The following FANCA variants were observed in gnomAD, a reference collection of about 807,000 sequenced individuals.
The protein encoded by FANCA is Fanconi anemia group A protein.
Under a neutral mutation model 194.3 loss-of-function variants are expected in FANCA, and 236 were observed. The ratio of observed to expected loss-of-function variants is 1.21; its 90% CI spans 1.09 to 1.35. FANCA has a LOEUF of 1.35. FANCA is among the 40% of genes most tolerant of loss of function. The pLI is 0.00. For missense variants in FANCA, 2,628 were observed against 1,813.9 expected (o/e 1.45, Z -8.15); for synonymous variants, 1,014 against 715.8 (o/e 1.42, Z -6.65).
At chr16:89,803,372 G>A (rs2040524916) in intron 7 of FANCA, 31 bp from the exon 8 acceptor site, 1 of 1,585,082 alleles carries the variant, frequency 6.3e-7, no homozygotes, top group Non-Finnish European at 8.7e-7. Context: ...AGTTATTTAT[G>A]GACATCATGG....
At chr16:89,781,080 G>C (rs1219640774) in intron 17 of FANCA, among the ~76,000 whole-genome samples, 1 of 151,890 alleles carries the variant, frequency 6.6e-6, no homozygotes, top group African/African-American at 2.4e-5. Context: ...GTAAAGAATG[G>C]AGGGCCAGGC....
At chr16:89,753,985 C>T (rs1271117484) in intron 30 of FANCA, among the ~76,000 whole-genome samples, 1 of 152,186 alleles carries the variant, frequency 6.6e-6, no homozygotes, top group Non-Finnish European at 1.5e-5. Flanking sequence ...ACCTGGAAGG[C>T]GGAGGTTGCA....
At chr16:89,761,553 CATTAA>C (rs1470848876) in intron 29 of FANCA, among the ~76,000 whole-genome samples, 2 of 148,098 alleles carry the variant, frequency 1.4e-5, no homozygotes, top group African/African-American at 2.5e-5. Flanking sequence ...GTAAACCAAA[CATTAA>C]ATTGAGGATA....
chr16:89,757,684 G>C (rs1182015602), intron 30 of FANCA, among the ~76,000 whole-genome samples: 1 of 152,138 alleles, frequency 6.6e-6, no homozygotes, highest in Non-Finnish European at 1.5e-5. Context: ...TGGGGACAAA[G>C]CCTGGACAGC....
Position 89,771,804 on chromosome 16 carries a change from T to C in FANCA, c.2025A>G (p.Ala675=), listed in dbSNP as rs1567619925. The change falls in exon 23 of 43, where the codon GCA becomes GCG. Residue 675 remains alanine, a synonymous_variant. Transcript: ENST00000389301. The part of the protein sequence containing the change: ...TDPSQRDVIS[A]QVAVISERLR... ...GTCTTTCAGAAATCACTGCCACCTGTGCCGATATAACTGCGAAGGAAGAAA... is the reference window on the plus strand; with the variant it reads ...GTCTTTCAGAAATCACTGCCACCTGCGCCGATATAACTGCGAAGGAAGAAA... 6.2e-7 allele frequency: 1 copy of C among 1,613,946 alleles called. No homozygotes were observed. Among genetic ancestry groups the C allele is most frequent in the Non-Finnish European group, 8.5e-7 (1 of 1,180,040 alleles).
At position 89,764,920 on chromosome 16, in the gene FANCA, G is replaced by C. The variant is rs755154360; in HGVS notation, c.2748C>G (p.Phe916Leu). ...AALSLWTHRT[F>L]REVLKEEDVH... is the part of the protein sequence containing the mutation. Reference sequence around the variant, plus strand: ...CATCTTCCTCTTTCAACACCTCTCGGAAGGTTCTGTGTGTCCAGAGAGAGA... The same window carrying C: ...CATCTTCCTCTTTCAACACCTCTCGCAAGGTTCTGTGTGTCCAGAGAGAGA... The change falls in exon 28 of 43, where the codon TTC becomes TTG. Residue 916 changes from phenylalanine (F) to leucine (L), a missense_variant. Phe to Leu is a conservative substitution (Grantham distance 22). Coordinates refer to ENST00000389301, the MANE Select transcript of FANCA (RefSeq NM_000135.4). The C allele has an allele frequency of 6.2e-7, 1 of 1,614,192 alleles. No individual in the cohort carries two copies. Among genetic ancestry groups the C allele is most frequent in the Non-Finnish European group, 8.5e-7 (1 of 1,180,028 alleles).
At chr16:89,808,094 C>T (rs2040731697) in intron 6 of FANCA, among the ~76,000 whole-genome samples, 200 bp downstream of exon 6, 1 of 132,740 alleles carries the variant, frequency 7.5e-6, no homozygotes, top group South Asian at 2.6e-4. Context: ...AAAACCAAAA[C>T]ACCATAAACG....
At chr16:89,753,403 C>G (rs964888381) in intron 30 of FANCA, among the ~76,000 whole-genome samples, 2 of 152,222 alleles carry the variant, frequency 1.3e-5, no homozygotes, top group Non-Finnish European at 2.9e-5. Context: ...TTTCTACACT[C>G]TCTCATCGCC....
intron 21 of FANCA, among the ~76,000 whole-genome samples, chr16:89,775,050 C>T (rs1484207183): frequency 1.3e-5 from 2 of 151,722 alleles, no homozygotes; most frequent in Non-Finnish European, 2.9e-5. Context: ...GCCAAAATCG[C>T]GCCACTGCAG....
chr16:89,806,871 T>A (rs1351625034), intron 6 of FANCA, among the ~76,000 whole-genome samples: 1 of 152,054 alleles, frequency 6.6e-6, no homozygotes, highest in Non-Finnish European at 1.5e-5. Context: ...TGGGTACACC[T>A]CCCAGACGGG....
chr16:89,809,485 G>A (rs2040793580), intron 5 of FANCA, among the ~76,000 whole-genome samples: 1 of 151,936 alleles, frequency 6.6e-6, no homozygotes, highest in African/African-American at 2.4e-5. Flanking sequence ...AGGCCAAGAT[G>A]GGCAGATCAC....
rs192932045 is a variant in FANCA, at chr16:89,777,095, A to G, written c.1827-1280T>C. ...TGTGGTGGAGCGCGCCTCTAGACCC[A>G]GCTACTTGGGAGGCAGAGGGGGAAG... On this transcript the variant is annotated intron_variant, in intron 20 of 42. Transcript: ENST00000389301. Among the ~76,000 whole-genome samples, 167 of 151,874 alleles carry G rather than the reference A, an allele frequency of 1.1e-3. 2 individuals carry two copies. The highest frequency in any genetic ancestry group is 6.8e-3 in the Middle Eastern group (2 of 294).
At chr16:89,803,673 G>C (rs2040536187) in intron 7 of FANCA, among the ~76,000 whole-genome samples, 1 of 141,756 alleles carries the variant, frequency 7.1e-6, no homozygotes, top group Non-Finnish European at 1.5e-5. Context: ...GCCTGGGCTT[G>C]AGTGCAATGG....
At chr16:89,802,157 T>C (rs988059778) in intron 8 of FANCA, among the ~76,000 whole-genome samples, 1 of 152,062 alleles carries the variant, frequency 6.6e-6, no homozygotes, top group East Asian at 2.0e-4. Context: ...CAGGCTAGAG[T>C]GCAAGGCGCA....
rs1229105590 is a variant in FANCA at position 89,738,504 on chromosome 16, AT to A, written c.*96del. 42 of 1,571,342 alleles carry A rather than the reference AT, an allele frequency of 2.7e-5. No individual in the cohort carries two copies. The highest frequency in any genetic ancestry group is 5.1e-5 in the Admixed American group (3 of 59,258). ...TTTCCCCACTAAAGCAGTCGAGGAGATTTGTAATCCACTTTTTAGTGCAACA... is the reference window on the plus strand; with the variant it reads ...TTTCCCCACTAAAGCAGTCGAGGAGATTGTAATCCACTTTTTAGTGCAACA... On this transcript the variant is annotated 3_prime_UTR_variant, in exon 43 of 43. Transcript: ENST00000389301.
At position 89,769,651 on chromosome 16, in the gene FANCA, A is replaced by G; in HGVS notation, c.2504+186T>C. The G allele has an allele frequency of 1.0e-5, 7 of 677,626 alleles. 1 individual carries two copies. The South Asian group carries it at 1.2e-4, about 12-fold the overall frequency. 42.0% of individuals were successfully genotyped at this position (677,626 alleles called of 1,614,324 possible). A position where few individuals can be genotyped will look rare whatever the true frequency, so the allele number is the denominator to read the frequency against. ...ATGATCTCATTTTTATGAACAAAGA[A>G]ACAAACGCACGCATATTATAAACAA... is the stretch of plus-strand genomic sequence containing the variant. On this transcript the variant is annotated intron_variant, in intron 26 of 42. Coordinates refer to ENST00000389301, the MANE Select transcript of FANCA (RefSeq NM_000135.4).
Position 89,810,983 on chromosome 16 carries a change from G to T in FANCA, c.372C>A (p.Ile124=), listed in dbSNP as rs765016775. The part of the protein sequence containing the change: ...AGMVASSVGQ[I]CTAPAETSHP... ...GACTGGTCTCCGCTGGAGCCGTGCA[G>T]ATCTGTCCCACGCTAGAGGCAACCA... Residue 124 remains isoleucine (I), a synonymous_variant, in exon 4 of 43, where the codon ATC becomes ATA. Coordinates refer to ENST00000389301, the MANE Select transcript of FANCA (RefSeq NM_000135.4). 9.3e-6 allele frequency: 15 copies of T among 1,613,996 alleles called. No individual in the cohort carries two copies. In the South Asian group the frequency reaches 1.5e-4, roughly 17 times the overall value.
At chr16:89,815,666 T>C (rs550239749) in intron 2 of FANCA, among the ~76,000 whole-genome samples, 1 of 152,100 alleles carries the variant, frequency 6.6e-6, no homozygotes. Context: ...TGTTTTTTTG[T>C]TGTTGTTGTT....
intron 15 of FANCA, among the ~76,000 whole-genome samples, chr16:89,783,805 C>T (rs899219220): frequency 1.3e-5 from 2 of 152,002 alleles, no homozygotes; most frequent in African/African-American, 4.8e-5. Context: ...CTCTTATTGC[C>T]CAGGCTGGAG....
Sources: gnomAD v4.1 joint callset for allele counts (sites outside exome capture counted in the v4.1 genomes callset) on GRCh38, gnomAD v4.1.1 for gene constraint, MANE v1.5 for transcripts, NCBI Gene and HGNC (gene_info 2026-07-23, HGNC 2026-07-21) for gene names.